Variants in EDNRA observed in about 807,000 individuals in gnomAD.
The protein encoded by EDNRA is endothelin receptor type A.
EDNRA carries 11 observed loss-of-function variants against 41.4 expected under a neutral mutation model. That is an observed-to-expected ratio of 0.27 (90% CI 0.17 to 0.44). The LOEUF (loss-of-function observed/expected upper bound fraction) is 0.44, where lower values mean the gene tolerates loss of function less well. Ranked by LOEUF, EDNRA falls within the 20% of genes least tolerant of loss-of-function variation. The pLI, the probability that EDNRA is intolerant of heterozygous loss-of-function variation, is 1.00. For synonymous variants in EDNRA, 172 were observed against 183.0 expected, an observed-to-expected ratio of 0.94 and a Z score of 0.49; for missense variants, 294 against 531.0, an observed-to-expected ratio of 0.55 and a Z score of 4.39.
chr4:147,535,544 T>C (rs958250800), intron 4 of EDNRA, among the ~76,000 whole-genome samples: 3 of 152,216 alleles, frequency 2.0e-5, no homozygotes, highest in Non-Finnish European at 4.4e-5. Context: ...AAATCATGTT[T>C]TATGAGCTTT....
At chr4:147,524,705 A>T (rs1730469464) in intron 3 of EDNRA, among the ~76,000 whole-genome samples, 4 of 152,144 alleles carry the variant, frequency 2.6e-5, no homozygotes, top group Admixed American at 1.3e-4. Flanking sequence ...TGTTCCCTAG[A>T]CACACACTTT....
At chr4:147,540,951 G>A (rs1179934598) in intron 7 of EDNRA, among the ~76,000 whole-genome samples, 3 of 151,432 alleles carry the variant, frequency 2.0e-5, no homozygotes, top group South Asian at 2.1e-4. Flanking sequence ...GCATGGTGGC[G>A]GGCACCTGCA....
chr4:147,539,718 T>G, intron 5 of EDNRA, 99 bp from the exon 6 acceptor site: 1 of 1,365,922 alleles, frequency 7.3e-7, no homozygotes, highest in African/African-American at 1.5e-5. Context: ...CTTTGAATTA[T>G]TCTTTCTCTG....
At chr4:147,514,256 C>T (rs190281139) in intron 2 of EDNRA, among the ~76,000 whole-genome samples, 14 of 152,230 alleles carry the variant, frequency 9.2e-5, no homozygotes, top group Non-Finnish European at 1.3e-4. Flanking sequence ...AGGTCAATCT[C>T]GTACTTGAAC....
chr4:147,489,592 A>G (rs1578774375), intron 2 of EDNRA: 1 of 152,336 alleles, frequency 6.6e-6, no homozygotes, highest in East Asian at 1.9e-4. Context: ...GAAAAGTAAC[A>G]TAACAGGTAT....
chr4:147,503,809 A>G (rs1256175153), intron 2 of EDNRA, among the ~76,000 whole-genome samples: 15 of 152,072 alleles, frequency 9.9e-5, no homozygotes, highest in Non-Finnish European at 1.5e-5. Flanking sequence ...GAGGACACCA[A>G]ATTTTTCTTC....
intron 2 of EDNRA, among the ~76,000 whole-genome samples, chr4:147,515,039 C>T (rs1730065743): frequency 6.6e-6 from 1 of 152,204 alleles, no homozygotes; most frequent in Non-Finnish European, 1.5e-5. Context: ...GGTGATTCTG[C>T]AGCTGCTAAG....
At chr4:147,538,872 G>A (rs1457024949) in intron 5 of EDNRA, among the ~76,000 whole-genome samples, 1 of 152,124 alleles carries the variant, frequency 6.6e-6, no homozygotes, top group African/African-American at 2.4e-5. Flanking sequence ...TACCCTTCCA[G>A]ACCCTGTTTT....
chr4:147,485,142 G>A (rs535824110), intron 1 of EDNRA, among the ~76,000 whole-genome samples: 1 of 142,150 alleles, frequency 7.0e-6, no homozygotes, highest in South Asian at 2.5e-4. Flanking sequence ...TTGTAATTCA[G>A]GTTCTTATCA....
At chr4:147,498,456 C>A (rs9884495) in intron 2 of EDNRA, among the ~76,000 whole-genome samples, 7,815 of 152,156 alleles carry the variant, frequency 0.051, 661 homozygotes, top group African/African-American at 0.18. Flanking sequence ...CAGGGCCCAG[C>A]AAACTACAGC....
intron 2 of EDNRA, among the ~76,000 whole-genome samples, chr4:147,500,510 A>G (rs1729480392): frequency 6.6e-6 from 1 of 152,150 alleles, no homozygotes; most frequent in South Asian, 2.1e-4. Flanking sequence ...TTGAGCCCAT[A>G]AGTTCGAGAC....
chr4:147,513,901 T>G (rs540401602), intron 2 of EDNRA, among the ~76,000 whole-genome samples: 1 of 152,330 alleles, frequency 6.6e-6, no homozygotes, highest in African/African-American at 2.4e-5. Context: ...TGTACCATTT[T>G]AAGATGCCAT....
At chr4:147,523,709 T>G (rs574164089) in intron 3 of EDNRA, among the ~76,000 whole-genome samples, 6 of 152,016 alleles carry the variant, frequency 3.9e-5, no homozygotes, top group Admixed American at 2.0e-4. Flanking sequence ...CCAGGATGGT[T>G]TCGATCTCCT....
rs924304418 is a variant in EDNRA at position 147,543,934 on chromosome 4, A to G, written c.*1316A>G. On this transcript the variant is annotated 3_prime_UTR_variant, in exon 8 of 8. Coordinates refer to ENST00000651419, the MANE Select transcript of EDNRA (RefSeq NM_001957.4). The stretch of plus-strand genomic sequence containing the variant: ...GGGCCCACAGTGACTTTTGCTGGGC[A>G]TTTTCCCAGATGTTTACAGACTGTG... 2 of 152,454 alleles carry G rather than the reference A, an allele frequency of 1.3e-5. No individual in the cohort carries two copies. The highest frequency in any genetic ancestry group is 4.8e-5 in the African/African-American group (2 of 41,366). The allele number at this position is 152,454 out of a possible 1,614,324, so 9.4% of individuals were successfully genotyped here. A position where few individuals can be genotyped will look rare whatever the true frequency, so the allele number is the denominator to read the frequency against.
intron 2 of EDNRA, chr4:147,493,571 A>G (rs1019490903): frequency 1.3e-5 from 2 of 152,178 alleles, no homozygotes; most frequent in African/African-American, 4.8e-5. Flanking sequence ...TGCCTTCTGG[A>G]TCTACCACAT....
chr4:147,528,357 CTTTT>C (rs755450847), intron 3 of EDNRA, among the ~76,000 whole-genome samples: 1 of 119,466 alleles, frequency 8.4e-6, no homozygotes, highest in Non-Finnish European at 1.7e-5. Context: ...TTCTTGCTTT[CTTTT>C]TTTTTTTTTT....
At chr4:147,500,743 T>TA (rs11405111) in intron 2 of EDNRA, among the ~76,000 whole-genome samples, 34,371 of 129,386 alleles carry the variant, frequency 0.27, 4,777 homozygotes, top group African/African-American at 0.43. Flanking sequence ...GGGATGGAGG[T>TA]AAAAAAAAAA....
rs777634188 is a variant in EDNRA at position 147,542,445 on chromosome 4, C to CT, written c.1144-32dup. The CT allele has an allele frequency of 3.1e-6, 5 of 1,613,204 alleles. No homozygotes were observed. The East Asian group carries it at 1.1e-4, about 36-fold the overall frequency. On this transcript the variant is annotated intron_variant, in intron 7 of 7. Coordinates refer to ENST00000651419, the MANE Select transcript of EDNRA (RefSeq NM_001957.4). ...GTTTGGCCGGGAATGGGCTGGTAGG[C>CT]TCGCCTTACTTCGAGTCTGTTCCTT...
chr4:147,528,429 A>T (rs1730631521), intron 3 of EDNRA, among the ~76,000 whole-genome samples: 1 of 141,442 alleles, frequency 7.1e-6, no homozygotes, highest in Non-Finnish European at 1.5e-5. Context: ...ATGATCAGGG[A>T]TCGCTGCAGG....
Sources: gnomAD v4.1 joint callset for allele counts (sites outside exome capture counted in the v4.1 genomes callset) on GRCh38, gnomAD v4.1.1 for gene constraint, MANE v1.5 for transcripts, NCBI Gene and HGNC (gene_info 2026-07-23, HGNC 2026-07-21) for gene names.